MAST4: variants seen among roughly 807,000 people sequenced by gnomAD.
MAST4 encodes the protein microtubule associated serine/threonine kinase family member 4, also known as microtubule-associated serine/threonine-protein kinase 4.
A neutral mutation model predicts 162.7 loss-of-function variants in MAST4; 89 were observed. The observed-to-expected ratio is 0.55, with a 90% CI of 0.46 to 0.65. The LOEUF is 0.65. MAST4 is among the 30% of genes least tolerant of loss of function. The pLI is 0.00. For missense variants in MAST4, 3,153 were observed against 3,374.0 expected, an observed-to-expected ratio of 0.93 and a Z score of 1.62; for synonymous variants, 1,479 against 1,361.1, an observed-to-expected ratio of 1.09 and a Z score of -1.91.
Position 66,816,365 on chromosome 5 carries a change from C to G in MAST4, c.642+27571C>G, listed in dbSNP as rs1434644355. 2.0e-5 allele frequency among the ~76,000 whole-genome samples: 3 copies of G among 152,146 alleles called. No homozygotes were observed. The East Asian group carries it at 5.8e-4, about 29-fold the overall frequency. On this transcript the variant is annotated intron_variant, in intron 3 of 28. Transcript: ENST00000403625. ...TTCACGGCCACAGGAATCAGTGCTT[C>G]CTTTCCCTCTGTTTCTAATCAATCA...
At position 67,095,679 on chromosome 5, in the gene MAST4, A is replaced by T; in HGVS notation, c.912+4A>T. ...CACACCCAGCTCTACGGTCTCTGTA[A>T]GTGCCTGACTTTTTTTTTTTTTTTC... On this transcript the variant is annotated splice_donor_region_variant and intron_variant, in intron 7 of 28. Coordinates refer to ENST00000403625, the MANE Select transcript of MAST4 (RefSeq NM_001164664.2). 3.2e-6 allele frequency: 5 copies of T among 1,561,768 alleles called. No individual in the cohort carries two copies. The highest frequency in any genetic ancestry group is 4.3e-6 in the Non-Finnish European group (5 of 1,158,990).
intron 12 of MAST4, among the ~76,000 whole-genome samples, chr5:67,116,467 A>C (rs1766927123): frequency 6.6e-6 from 1 of 151,166 alleles, no homozygotes; most frequent in South Asian, 2.1e-4. Context: ...CGGCCTCCCA[A>C]AGTGCTGGGA....
At chr5:66,663,444 G>T (rs1747038268) in intron 1 of MAST4, among the ~76,000 whole-genome samples, 1 of 152,190 alleles carries the variant, frequency 6.6e-6, no homozygotes, top group Non-Finnish European at 1.5e-5. Context: ...CAGGTTAAGG[G>T]AGATAGCGAG....
At chr5:66,835,422 C>T (rs1757896364) in intron 3 of MAST4, among the ~76,000 whole-genome samples, 1 of 152,020 alleles carries the variant, frequency 6.6e-6, no homozygotes, top group African/African-American at 2.4e-5. Flanking sequence ...CATTGTTAAT[C>T]TTATGGTCCC....
At chr5:66,798,633 A>G (rs987902482) in intron 3 of MAST4, among the ~76,000 whole-genome samples, 1 of 152,222 alleles carries the variant, frequency 6.6e-6, no homozygotes. Context: ...AGAATTCTGT[A>G]TTTAGTGAGT....
intron 1 of MAST4, among the ~76,000 whole-genome samples, chr5:66,666,715 T>A (rs1047480677): frequency 6.6e-6 from 1 of 152,246 alleles, no homozygotes; most frequent in African/African-American, 2.4e-5. Flanking sequence ...GAAGCCCCTA[T>A]AATTCATGCA....
chr5:66,788,930 C>G, intron 3 of MAST4, 136 bp downstream of exon 3: 1 of 1,217,988 alleles, frequency 8.2e-7, no homozygotes, highest in South Asian at 2.1e-5. Flanking sequence ...TGTGGAATTC[C>G]TTGCTTTCAA....
chr5:67,154,716 G>A (rs1772276687), intron 26 of MAST4, among the ~76,000 whole-genome samples: 2 of 152,168 alleles, frequency 1.3e-5, no homozygotes, highest in South Asian at 2.1e-4. Flanking sequence ...TTGAAGCCAC[G>A]GTGTACTCTG....
chr5:66,664,891 G>A (rs1452854103), intron 1 of MAST4, among the ~76,000 whole-genome samples: 4 of 152,122 alleles, frequency 2.6e-5, no homozygotes, highest in African/African-American at 9.7e-5. Flanking sequence ...AGAACTTAAA[G>A]GAAGATTAGA....
At position 67,060,960 on chromosome 5, in the gene MAST4, G is replaced by A. The variant is rs190112548; in HGVS notation, c.763+6468G>A. ...TTTAAAATTTTAAGAGAGTTTATAG[G>A]CTATGTTGCCATGACTCTAATCTTC... is the stretch of plus-strand genomic sequence containing the variant. On this transcript the variant is annotated intron_variant, in intron 5 of 28. Transcript: ENST00000403625. Among the ~76,000 whole-genome samples the A allele has an allele frequency of 9.9e-5, 15 of 152,250 alleles. No homozygotes were observed. The East Asian group carries it at 2.9e-3, about 29-fold the overall frequency.
intron 3 of MAST4, among the ~76,000 whole-genome samples, chr5:66,816,975 C>A (rs1424605992): frequency 6.6e-6 from 1 of 152,172 alleles, no homozygotes; most frequent in Non-Finnish European, 1.5e-5. Context: ...ACTCTGTTCA[C>A]CTCGTCTCTC....
At chr5:66,883,860 G>C (rs1389440201) in intron 3 of MAST4, among the ~76,000 whole-genome samples, 4 of 152,168 alleles carry the variant, frequency 2.6e-5, no homozygotes, top group African/African-American at 9.7e-5. Context: ...TTTGATCACT[G>C]TAGTACACAA....
chr5:66,991,973 C>T (rs1383911313), intron 4 of MAST4, among the ~76,000 whole-genome samples: 1 of 152,174 alleles, frequency 6.6e-6, no homozygotes, highest in Admixed American at 6.5e-5. Context: ...GCAAGGCAGA[C>T]AGATACAGTC....
chr5:66,707,813 A>G (rs1237242705), intron 1 of MAST4, among the ~76,000 whole-genome samples: 1 of 152,136 alleles, frequency 6.6e-6, no homozygotes, highest in Non-Finnish European at 1.5e-5. Flanking sequence ...AGACTGATGG[A>G]AACCAAGGGC....
rs780834944 is a variant in MAST4, at chr5:67,149,562, A to G, written c.3268A>G (p.Ser1090Gly). 1.2e-6 allele frequency: 2 copies of G among 1,613,780 alleles called. No homozygotes were observed. The highest frequency in any genetic ancestry group is 2.2e-5 in the South Asian group (2 of 90,980). The change falls in exon 24 of 29, where the codon AGT (serine) becomes GGT (glycine). Residue 1090 changes from serine to glycine, a missense_variant. Around this residue, in one of 7 missense-constraint regions of MAST4, gnomAD observed 619 missense variants for 744.2 expected, o/e 0.83. Coordinates refer to ENST00000403625, the MANE Select transcript of MAST4 (RefSeq NM_001164664.2). ...GAAAGTCACAAAGTCCCTCTCTGCC[A>G]GTGCTCTTTCCCTCATGATCCCAGG... Reference protein sequence around the residue: ...SGKVTKSLSASALSLMIPGDM... With the variant: ...SGKVTKSLSAGALSLMIPGDM...
chr5:66,722,117 G>A (rs1257642583), intron 1 of MAST4, among the ~76,000 whole-genome samples: 1 of 152,024 alleles, frequency 6.6e-6, no homozygotes, highest in Admixed American at 6.6e-5. Flanking sequence ...ATCCTTTTGA[G>A]ATGTCAGCCA....
intron 4 of MAST4, among the ~76,000 whole-genome samples, chr5:66,951,619 T>TGG: frequency 6.7e-6 from 1 of 148,598 alleles, no homozygotes; most frequent in Non-Finnish European, 1.5e-5. Flanking sequence ...TGTGTGTGTG[T>TGG]GTGTGTGTGT....
intron 5 of MAST4, among the ~76,000 whole-genome samples, chr5:67,055,883 A>T (rs939375901): frequency 9.9e-5 from 15 of 152,140 alleles, no homozygotes; most frequent in Non-Finnish European, 2.2e-4. Flanking sequence ...AACACTACTC[A>T]GATTTGCGTG....
chr5:66,841,464 G>A, intron 3 of MAST4, among the ~76,000 whole-genome samples: 1 of 152,180 alleles, frequency 6.6e-6, no homozygotes, highest in East Asian at 1.9e-4. Flanking sequence ...GTGAACAGCA[G>A]ACATTTGTTG....
Sources: allele counts gnomAD v4.1 joint callset (sites outside exome capture counted in the v4.1 genomes callset), GRCh38; gene constraint gnomAD v4.1.1; regional missense constraint gnomAD v4.1.1; transcripts MANE v1.5; gene names NCBI Gene and HGNC (gene_info 2026-07-23, HGNC 2026-07-21).